Variants in TRIM10 observed in about 807,000 individuals in gnomAD.
TRIM10 encodes tripartite motif containing 10, also known as tripartite motif-containing protein 10.
A neutral mutation model predicts 40.0 loss-of-function variants in TRIM10; 42 were observed. The observed-to-expected ratio is 1.05, with a 90% CI of 0.82 to 1.36. TRIM10 has a LOEUF of 1.36. TRIM10 is among the 40% of genes most tolerant of loss of function. The pLI, the probability that TRIM10 is intolerant of heterozygous loss-of-function variation, is 0.00. For missense variants in TRIM10, 601 were observed against 608.3 expected (o/e 0.99, Z 0.13); for synonymous variants, 260 against 239.5 (o/e 1.09, Z -0.79).
intron 1 of TRIM10, 115 bp downstream of exon 1, chr6:30,160,315 C>T (rs1772950514): frequency 2.6e-6 from 3 of 1,145,722 alleles, no homozygotes; most frequent in Admixed American, 2.7e-5. Flanking sequence ...CCTGGGTGAT[C>T]ATGTAAGTAA....
intron 3 of TRIM10, among the ~76,000 whole-genome samples, chr6:30,157,955 G>A (rs1159303789): frequency 1.3e-5 from 2 of 152,132 alleles, no homozygotes; most frequent in African/African-American, 2.4e-5. Flanking sequence ...TCTAAGTCAT[G>A]CTGCCTTTCC....
In TRIM10 at chr6:30,154,161, G is replaced by A. The variant is rs1343026167; in HGVS notation, c.1254C>T (p.Phe418=). ...GCTCCTTCAGGGTCAGCCGTGTGGG[G>A]AAGGAGCCCAGAGCCGAGACGAAGC... ...AWGFVSALGS[F]PTRLTLKEQP... The change falls in exon 7 of 7, where the codon TTC becomes TTT. Residue 418 remains phenylalanine, a synonymous_variant. Transcript: ENST00000449742. 6.2e-7 allele frequency: 1 copy of A among 1,612,540 alleles called. No homozygotes were observed. Among genetic ancestry groups the A allele is most frequent in the Non-Finnish European group, 8.5e-7 (1 of 1,179,618 alleles).
chr6:30,154,067 G>C lies in TRIM10; in HGVS notation c.1348C>G (p.Arg450Gly). 1 of 1,612,010 alleles carries C rather than the reference G, an allele frequency of 6.2e-7. No homozygotes were observed. Among genetic ancestry groups the C allele is most frequent in the Non-Finnish European group, 8.5e-7 (1 of 1,179,616 alleles). ...GWVTFTNAVT[R>G]EPIYTFTASF... ...GCAGTGAAGGTGTAGATGGGCTCTC[G>C]GGTGACAGCGTTGGTGAAGGTCACC... The change falls in exon 7 of 7, where the codon CGA (arginine) becomes GGA (glycine). Residue 450 changes from arginine to glycine, a missense_variant. By Grantham distance (125) the Arg-to-Gly change is moderately radical (BLOSUM62 -2). Transcript: ENST00000449742.
upstream of TRIM10, chr6:30,163,404 T>G (rs1231544424): frequency 5.5e-6 from 3 of 541,942 alleles, no homozygotes; most frequent in Non-Finnish European, 9.7e-6. Flanking sequence ...AGAACTGGCT[T>G]ACTTGGCCGC....
intron 6 of TRIM10, among the ~76,000 whole-genome samples, chr6:30,155,457 G>C (rs1232229591): frequency 6.6e-6 from 1 of 152,162 alleles, no homozygotes; most frequent in East Asian, 1.9e-4. Flanking sequence ...CACGAATGTA[G>C]TATGTGTATG....
At chr6:30,157,293 G>T in intron 4 of TRIM10, 76 bp downstream of exon 4, 1 of 1,350,794 alleles carries the variant, frequency 7.4e-7, no homozygotes, top group Non-Finnish European at 1.0e-6. Flanking sequence ...ATATACCTGT[G>T]TGGCAATAAC....
Position 30,153,808 on chromosome 6 carries a change from G to A in TRIM10, c.*161C>T. On this transcript the variant is annotated 3_prime_UTR_variant, in exon 7 of 7. Coordinates refer to ENST00000449742, the MANE Select transcript of TRIM10 (RefSeq NM_006778.4). ...GGAAAGGACTTGATCAGTAGATTGA[G>A]AGTCCTCTCTTCTATCCCTTACCAC... 6.2e-7 allele frequency: 1 copy of A among 1,612,966 alleles called. No homozygotes were observed. The highest frequency in any genetic ancestry group is 8.5e-7 in the Non-Finnish European group (1 of 1,179,978).
upstream of TRIM10, among the ~76,000 whole-genome samples, chr6:30,162,080 C>A (rs1773145513): frequency 6.6e-6 from 1 of 152,002 alleles, no homozygotes; most frequent in Non-Finnish European, 1.5e-5. Flanking sequence ...TCTAGACCAT[C>A]CTGGTTAACA....
In TRIM10 at chr6:30,160,608, C is replaced by A; in HGVS notation, c.251G>T (p.Arg84Leu). The A allele has an allele frequency of 2.5e-6, 4 of 1,614,232 alleles. No homozygotes were observed. Among genetic ancestry groups the A allele is most frequent in the Non-Finnish European group, 3.4e-6 (4 of 1,180,038 alleles). The change falls in exon 1 of 7, where the codon CGC becomes CTC. Residue 84 changes from arginine (R) to leucine (L), a missense_variant. Physicochemically the swap from Arg to Leu is moderately radical, Grantham distance 102. Coordinates refer to ENST00000449742, the MANE Select transcript of TRIM10 (RefSeq NM_006778.4). The part of the protein sequence containing the change: ...QLANVVENIE[R>L]LQLVSTLGLG... The stretch of plus-strand genomic sequence containing the variant: ...ACCCAGTGTGGACACCAGCTGGAGG[C>A]GCTCAATGTTCTCCACCACGTTAGC...
At chr6:30,155,047 C>A (rs1242720127) in intron 6 of TRIM10, among the ~76,000 whole-genome samples, 4 of 152,152 alleles carry the variant, frequency 2.6e-5, no homozygotes, top group African/African-American at 9.7e-5. Flanking sequence ...AGTCTGAGGA[C>A]CACTTTTTAC....
At chr6:30,163,727 G>C, upstream of TRIM10, 1 of 1,612,850 alleles carries the variant, frequency 6.2e-7, no homozygotes, top group Non-Finnish European at 8.5e-7. Flanking sequence ...TGAGCTGCCT[G>C]CCTGTACCCT....
chr6:30,154,659 C>T (rs1312213046), intron 6 of TRIM10, 173 bp from the exon 7 acceptor site: 1 of 799,848 alleles, frequency 1.3e-6, no homozygotes, highest in Non-Finnish European at 2.1e-6. Context: ...GATATACGCT[C>T]TCAGAATCTG....
In TRIM10 at chr6:30,153,568, C is replaced by T. The variant is rs771972109; in HGVS notation, c.*401G>A. Reference sequence around the variant, plus strand: ...TCTAGAGAATGTGATTACATGAACTCTAACATTATTGGAAGAAAACAAGAT... The same window carrying T: ...TCTAGAGAATGTGATTACATGAACTTTAACATTATTGGAAGAAAACAAGAT... On this transcript the variant is annotated 3_prime_UTR_variant, in exon 7 of 7. Transcript: ENST00000449742. 2 of 889,672 alleles carry T rather than the reference C, an allele frequency of 2.2e-6. No individual in the cohort carries two copies. Among genetic ancestry groups the T allele is most frequent in the African/African-American group, 1.7e-5 (1 of 60,016 alleles). The allele number at this position is 889,672 out of a possible 1,614,324, so 55.1% of individuals were successfully genotyped here.
At position 30,159,246 on chromosome 6, in the gene TRIM10, C is replaced by T. The variant is rs1772859168; in HGVS notation, c.430-1G>A. 3 of 1,594,392 alleles carry T rather than the reference C, an allele frequency of 1.9e-6. No individual in the cohort carries two copies. The highest frequency in any genetic ancestry group is 2.6e-6 in the Non-Finnish European group (3 of 1,163,414). The stretch of plus-strand genomic sequence containing the variant: ...ATTTAAGACACTTATGGATTTGTTC[C>T]TGGGGAGAAGGAACATAAAATACTC... On this transcript the variant is annotated splice_acceptor_variant, in intron 1 of 6. Transcript: ENST00000449742. LOFTEE classifies it high-confidence loss of function.
rs995993494 is a variant in TRIM10, at chr6:30,152,708, G to A, written c.*1261C>T. The A allele has an allele frequency of 1.3e-5, 2 of 152,196 alleles. No homozygotes were observed. The highest frequency in any genetic ancestry group is 2.9e-5 in the Non-Finnish European group (2 of 68,036). The allele number at this position is 152,196 out of a possible 1,614,324, so 9.4% of individuals were successfully genotyped here. The stretch of plus-strand genomic sequence containing the variant: ...AGCAGAGTAAACAGATGATGTTAAG[G>A]AGACTGTCAGTGAAGGGCATGATTA... On this transcript the variant is annotated 3_prime_UTR_variant, in exon 7 of 7. Coordinates refer to ENST00000449742, the MANE Select transcript of TRIM10 (RefSeq NM_006778.4).
intron 6 of TRIM10, among the ~76,000 whole-genome samples, chr6:30,154,941 G>T (rs369087342): frequency 6.6e-6 from 1 of 152,068 alleles, no homozygotes; most frequent in Non-Finnish European, 1.5e-5. Context: ...TTTCCTCCCA[G>T]GGCACTGGTG....
At position 30,153,391 on chromosome 6, in the gene TRIM10, A is replaced by G; in HGVS notation, c.*578T>C. The G allele has an allele frequency of 2.7e-6, 1 of 369,058 alleles. No individual in the cohort carries two copies. Among genetic ancestry groups the G allele is most frequent in the East Asian group, 4.6e-5 (1 of 21,536 alleles). 22.9% of individuals were successfully genotyped at this position (369,058 alleles called of 1,614,324 possible). A position where few individuals can be genotyped will look rare whatever the true frequency, so the allele number is the denominator to read the frequency against. ...ATGCTGGGGTTGGACTTCCCGTAACACCCACCACACTGTGCTGTAATTTCC... is the reference window on the plus strand; with the variant it reads ...ATGCTGGGGTTGGACTTCCCGTAACGCCCACCACACTGTGCTGTAATTTCC... On this transcript the variant is annotated 3_prime_UTR_variant, in exon 7 of 7. Coordinates refer to ENST00000449742, the MANE Select transcript of TRIM10 (RefSeq NM_006778.4).
In TRIM10 at chr6:30,159,213, T is replaced by C; in HGVS notation, c.462A>G (p.Arg154=). 1 of 1,611,394 alleles carries C rather than the reference T, an allele frequency of 6.2e-7. No individual in the cohort carries two copies. Residue 154 remains arginine (R), a synonymous_variant, in exon 2 of 7, where the codon AGA becomes AGG. Transcript: ENST00000449742. The stretch of plus-strand genomic sequence containing the variant: ...TTTCTTGAATCTCCTCTCTCTCTTT[T>C]CTTAGACATTTAAGACACTTATGGA... ...EQIHKCLKCL[R]KEREEIQEIQ...
intron 5 of TRIM10, among the ~76,000 whole-genome samples, chr6:30,156,583 TC>T (rs1772550691): frequency 6.6e-6 from 1 of 152,248 alleles, no homozygotes; most frequent in Non-Finnish European, 1.5e-5. Flanking sequence ...ACAATGTTCA[TC>T]ATCAAAAACT....
Sources: gnomAD v4.1 joint callset for allele counts (sites outside exome capture counted in the v4.1 genomes callset) on GRCh38, gnomAD v4.1.1 for gene constraint, MANE v1.5 for transcripts, NCBI Gene and HGNC (gene_info 2026-07-23, HGNC 2026-07-21) for gene names.